FHIP1A: variants seen among roughly 807,000 people sequenced by gnomAD.
FHIP1A encodes FHF complex subunit HOOK-interacting protein 1A.
A neutral mutation model predicts 88.6 loss-of-function variants in FHIP1A; 61 were observed. That is an observed-to-expected ratio of 0.69 (90% CI 0.56 to 0.85). The LOEUF (loss-of-function observed/expected upper bound fraction) is 0.85, where lower values mean the gene tolerates loss of function less well. FHIP1A is among the 40% of genes least tolerant of loss of function. The probability of loss-of-function intolerance (pLI) is 0.00; values close to 1 mark genes in which losing one functional copy is unlikely to be tolerated. For synonymous variants in FHIP1A, 478 were observed against 496.0 expected, an observed-to-expected ratio of 0.96 and a Z score of 0.48; for missense variants, 1,154 against 1,273.5, an observed-to-expected ratio of 0.91 and a Z score of 1.43.
At chr4:151,552,021 T>C (rs1434249911) in intron 3 of FHIP1A, among the ~76,000 whole-genome samples, 1 of 152,164 alleles carries the variant, frequency 6.6e-6, no homozygotes, top group African/African-American at 2.4e-5. Context: ...GAGAAGGATA[T>C]GAACAGACAC....
chr4:151,462,245 CT>C (rs1171800464), intron 2 of FHIP1A, among the ~76,000 whole-genome samples: 1 of 152,180 alleles, frequency 6.6e-6, no homozygotes, highest in East Asian at 1.9e-4. Flanking sequence ...ATTTTGCTCC[CT>C]CTAAGCCTCT....
At chr4:151,590,142 A>G (rs1451557348) in intron 7 of FHIP1A, among the ~76,000 whole-genome samples, 1 of 152,224 alleles carries the variant, frequency 6.6e-6, no homozygotes, top group African/African-American at 2.4e-5. Flanking sequence ...GAAGACCTCT[A>G]AGCCTCTGCA....
rs1397502352 is a variant in FHIP1A, at chr4:151,669,370, A to AT, written c.*6617dup. Among the ~76,000 whole-genome samples, 2 of 152,244 alleles carry AT rather than the reference A, an allele frequency of 1.3e-5. No individual in the cohort carries two copies. The highest frequency in any genetic ancestry group is 1.3e-4 in the Admixed American group (2 of 15,286). On this transcript the variant is annotated 3_prime_UTR_variant, in exon 14 of 14. Coordinates refer to ENST00000435205, the MANE Select transcript of FHIP1A (RefSeq NM_001109977.3). ...GTCCTTAATACAGTTTGCACTTGACATAATAGTTTTGGTAAATGTCTTTTT... is the reference window on the plus strand; with the variant it reads ...GTCCTTAATACAGTTTGCACTTGACATTAATAGTTTTGGTAAATGTCTTTTT...
In FHIP1A at chr4:151,586,772, C is replaced by T. The variant is rs935680301; in HGVS notation, c.864C>T (p.Ser288=). The change falls in exon 6 of 14, where the codon TCC becomes TCT. Residue 288 remains serine (S), a synonymous_variant. Transcript: ENST00000435205. ...LLPSLVQFMN[S]LEFCNAVIQV... ...CTTCTCTTGTCCAGTTCATGAACTC[C>T]CTGGAGTTTTGCAATGCAGTCATAC... 1.9e-6 allele frequency: 3 copies of T among 1,550,640 alleles called. No individual in the cohort carries two copies. Among genetic ancestry groups the T allele is most frequent in the Non-Finnish European group, 1.7e-6 (2 of 1,146,242 alleles).
intron 3 of FHIP1A, among the ~76,000 whole-genome samples, chr4:151,535,774 T>C (rs1004723493): frequency 2.6e-5 from 4 of 152,236 alleles, no homozygotes; most frequent in African/African-American, 9.6e-5. Context: ...AACAACTGAA[T>C]GTATCTTGAC....
rs533577666 is a variant in FHIP1A at position 151,488,384 on chromosome 4, T to C, written c.-123+5736T>C. Among the ~76,000 whole-genome samples, 8 of 152,316 alleles carry C rather than the reference T, an allele frequency of 5.3e-5. No homozygotes were observed. In the South Asian group the frequency reaches 8.3e-4, roughly 16 times the overall value. Reference sequence around the variant, plus strand: ...TTGTTCCCACTTATAAGTGAGAACATGTGGCATTTGGTTTTCTGTTCCTGC... The same window carrying C: ...TTGTTCCCACTTATAAGTGAGAACACGTGGCATTTGGTTTTCTGTTCCTGC... On this transcript the variant is annotated intron_variant, in intron 3 of 13. Coordinates refer to ENST00000435205, the MANE Select transcript of FHIP1A (RefSeq NM_001109977.3).
chr4:151,491,421 C>G (rs929035613), intron 3 of FHIP1A, among the ~76,000 whole-genome samples: 3 of 152,078 alleles, frequency 2.0e-5, no homozygotes, highest in African/African-American at 4.8e-5. Context: ...GAGATAAACT[C>G]TTTTTCAGAC....
chr4:151,648,161 C>T (rs1736867122), intron 10 of FHIP1A, among the ~76,000 whole-genome samples: 1 of 152,142 alleles, frequency 6.6e-6, no homozygotes, highest in Admixed American at 6.5e-5. Flanking sequence ...GACTTAGGTT[C>T]TGCATCTTGG....
chr4:151,521,015 A>G (rs1214816199), intron 3 of FHIP1A, among the ~76,000 whole-genome samples: 1 of 152,258 alleles, frequency 6.6e-6, no homozygotes, highest in Non-Finnish European at 1.5e-5. Context: ...AACAGTGGTT[A>G]TAACACATGT....
At position 151,526,173 on chromosome 4, in the gene FHIP1A, G is replaced by A. The variant is rs370958874; in HGVS notation, c.-122-39965G>A. Among the ~76,000 whole-genome samples the A allele has an allele frequency of 5.9e-5, 9 of 152,260 alleles. No individual in the cohort carries two copies. In the South Asian group the frequency reaches 1.0e-3, roughly 18 times the overall value. ...TGTCTACCTCTTTCCACACAGACACGGCAACCATCCGATTTCTCAATCTCT... is the reference window on the plus strand; with the variant it reads ...TGTCTACCTCTTTCCACACAGACACAGCAACCATCCGATTTCTCAATCTCT... On this transcript the variant is annotated intron_variant, in intron 3 of 13. Transcript: ENST00000435205.
In FHIP1A at chr4:151,454,730, T is replaced by C. The variant is rs1241084403; in HGVS notation, c.-326T>C. 2 of 152,180 alleles carry C rather than the reference T, an allele frequency of 1.3e-5. No individual in the cohort carries two copies. The highest frequency in any genetic ancestry group is 4.8e-5 in the African/African-American group (2 of 41,450). The allele number at this position is 152,180 out of a possible 1,614,324, so 9.4% of individuals were successfully genotyped here. ...TACACTTGGGTGTTGAAGGACATTT[T>C]TGAAATCATGAGAACTCAATGTTTG... On this transcript the variant is annotated 5_prime_UTR_variant, in exon 2 of 14. Coordinates refer to ENST00000435205, the MANE Select transcript of FHIP1A (RefSeq NM_001109977.3).
intron 3 of FHIP1A, among the ~76,000 whole-genome samples, chr4:151,558,088 G>C (rs1733023818): frequency 6.6e-6 from 1 of 152,148 alleles, no homozygotes; most frequent in Non-Finnish European, 1.5e-5. Flanking sequence ...AAAGCAGTTA[G>C]ATCTGCCATT....
At chr4:151,436,918 A>G (rs1464615574) in intron 1 of FHIP1A, among the ~76,000 whole-genome samples, 1 of 152,182 alleles carries the variant, frequency 6.6e-6, no homozygotes, top group East Asian at 1.9e-4. Context: ...TGTATTTTGA[A>G]TAATCTCCAG....
At chr4:151,525,902 C>T (rs572273105) in intron 3 of FHIP1A, among the ~76,000 whole-genome samples, 61 of 152,000 alleles carry the variant, frequency 4.0e-4, no homozygotes, top group African/African-American at 1.3e-3. Context: ...GAGGACCCTG[C>T]GGCCTTCCGC....
At chr4:151,489,466 T>C (rs1351547410) in intron 3 of FHIP1A, among the ~76,000 whole-genome samples, 1 of 151,754 alleles carries the variant, frequency 6.6e-6, no homozygotes, top group Admixed American at 6.6e-5. Context: ...GGTTGAGGAG[T>C]GAACAGGAAG....
chr4:151,615,180 T>TA (rs1735475662), intron 7 of FHIP1A, among the ~76,000 whole-genome samples: 1 of 152,224 alleles, frequency 6.6e-6, no homozygotes, highest in African/African-American at 2.4e-5. Flanking sequence ...AAATGGTTGA[T>TA]ACAGATATTC....
Position 151,650,416 on chromosome 4 carries a change from G to C in FHIP1A, c.2375G>C (p.Ser792Thr). Reference sequence around the variant, plus strand: ...AAGGAGGAAGAAGGGAAGGAAGAGAGTAAAGGAGAAAAGGAGAAGGAGGGG... The same window carrying C: ...AAGGAGGAAGAAGGGAAGGAAGAGACTAAAGGAGAAAAGGAGAAGGAGGGG... ...LTKEEEGKEE[S>T]KGEKEKEGKK... The change falls in exon 11 of 14, where the codon AGT becomes ACT. Residue 792 changes from serine (S) to threonine (T), a missense_variant. Ser to Thr is a moderately conservative substitution (Grantham distance 58, BLOSUM62 1). Coordinates refer to ENST00000435205, the MANE Select transcript of FHIP1A (RefSeq NM_001109977.3). The C allele has an allele frequency of 6.4e-7, 1 of 1,551,692 alleles. No homozygotes were observed. The highest frequency in any genetic ancestry group is 2.4e-5 in the East Asian group (1 of 40,928).
intron 1 of FHIP1A, among the ~76,000 whole-genome samples, chr4:151,410,790 G>C (rs2724559): frequency 0.35 from 53,477 of 152,106 alleles, 10,010 homozygotes; most frequent in Non-Finnish European, 0.43. Context: ...TTGGCTTTAG[G>C]TAACTTTTCG....
rs536350215 is a variant in FHIP1A at position 151,597,699 on chromosome 4, T to A, written c.978+8773T>A. 1.6e-4 allele frequency among the ~76,000 whole-genome samples: 24 copies of A among 152,346 alleles called. No individual in the cohort carries two copies. In the South Asian group the frequency reaches 5.0e-3, roughly 32 times the overall value. The stretch of plus-strand genomic sequence containing the variant: ...TTATCTCTAAGCCCCTGACTGGGGC[T>A]GCTGCCTTTCTTTCAGAGATGCCCA... On this transcript the variant is annotated intron_variant, in intron 7 of 13. Coordinates refer to ENST00000435205, the MANE Select transcript of FHIP1A (RefSeq NM_001109977.3).
Sources: gnomAD v4.1 joint callset for allele counts (sites outside exome capture counted in the v4.1 genomes callset) on GRCh38, gnomAD v4.1.1 for gene constraint, MANE v1.5 for transcripts, NCBI Gene and HGNC (gene_info 2026-07-23, HGNC 2026-07-21) for gene names.